Variants in TCF12 observed in about 807,000 individuals in gnomAD.
TCF12 encodes the protein transcription factor 12.
A neutral mutation model predicts 86.0 loss-of-function variants in TCF12; 45 were observed. The ratio of observed to expected loss-of-function variants is 0.52; its 90% CI spans 0.41 to 0.67. TCF12 has a LOEUF of 0.67. Ranked by LOEUF, TCF12 falls within the 30% of genes least tolerant of loss-of-function variation. TCF12 has a pLI of 0.00. For synonymous variants in TCF12, 330 were observed against 299.6 expected, an observed-to-expected ratio of 1.10 and a Z score of -1.05; for missense variants, 881 against 859.9, an observed-to-expected ratio of 1.02 and a Z score of -0.31.
At chr15:57,073,795 C>T (rs536458638) in intron 4 of TCF12, among the ~76,000 whole-genome samples, 4 of 152,284 alleles carry the variant, frequency 2.6e-5, no homozygotes, top group Admixed American at 2.6e-4. Flanking sequence ...GTCGCCCAGG[C>T]TGGAGTACGG....
intron 3 of TCF12, among the ~76,000 whole-genome samples, chr15:57,015,125 C>T (rs1273728782): frequency 6.6e-6 from 1 of 151,678 alleles, no homozygotes; most frequent in African/African-American, 2.4e-5. Context: ...CCTGTCTCTA[C>T]AAAAAATAAA....
At chr15:57,140,332 T>C (rs2052866390) in intron 5 of TCF12, among the ~76,000 whole-genome samples, 1 of 152,196 alleles carries the variant, frequency 6.6e-6, no homozygotes, top group South Asian at 2.1e-4. Flanking sequence ...AGACAAATAC[T>C]GTATAATTCC....
In TCF12 at chr15:57,137,096, C is replaced by T. The variant is rs556466930; in HGVS notation, c.326-29306C>T. Among the ~76,000 whole-genome samples the T allele has an allele frequency of 6.6e-5, 10 of 151,252 alleles. No individual in the cohort carries two copies. The East Asian group carries it at 1.8e-3, about 27-fold the overall frequency. ...CCGGGTTCACGCCATTTTCCTGCCT[C>T]AGGCTCCCAAGTAGCTGGGACTACA... On this transcript the variant is annotated intron_variant, in intron 5 of 20. Coordinates refer to ENST00000333725, the MANE Select transcript of TCF12 (RefSeq NM_207037.2).
At chr15:57,163,332 C>G (rs1245215917) in intron 5 of TCF12, among the ~76,000 whole-genome samples, 1 of 152,100 alleles carries the variant, frequency 6.6e-6, no homozygotes, top group Non-Finnish European at 1.5e-5. Flanking sequence ...GTCATGCTGA[C>G]TAATTGACGT....
In TCF12 at chr15:57,289,770, G is replaced by A. The variant is rs2062044182; in HGVS notation, c.*3625G>A. 1 of 152,128 alleles carries A rather than the reference G, an allele frequency of 6.6e-6. No individual in the cohort carries two copies. The highest frequency in any genetic ancestry group is 2.1e-4 in the South Asian group (1 of 4,832). 9.4% of individuals were successfully genotyped at this position (152,128 alleles called of 1,614,324 possible). A position where few individuals can be genotyped will look rare whatever the true frequency, so the allele number is the denominator to read the frequency against. ...TTGTGTAAGTATTGAATGAAACAAT[G>A]TATGGAAAGCTCTTATGGTTCTTGT... On this transcript the variant is annotated 3_prime_UTR_variant, in exon 21 of 21. Coordinates refer to ENST00000333725, the MANE Select transcript of TCF12 (RefSeq NM_207037.2).
In TCF12 at chr15:57,104,861, G is replaced by GTTTTTT. The variant is rs11336613; in HGVS notation, c.325+12989_325+12994dup. ...ATCTATCTTGCTGGTCTTTGGTGGT[G>GTTTTTT]TTTTTTTTTTTTTTTTTTTTTTTTG... On this transcript the variant is annotated intron_variant, in intron 5 of 20. Coordinates refer to ENST00000333725, the MANE Select transcript of TCF12 (RefSeq NM_207037.2). 2.4e-3 allele frequency among the ~76,000 whole-genome samples: 174 copies of GTTTTTT among 71,498 alleles called. 3 individuals are homozygous for GTTTTTT. Among genetic ancestry groups the GTTTTTT allele is most frequent in the Admixed American group, 3.8e-3 (18 of 4,746 alleles). 46.9% of individuals were successfully genotyped at this position (71,498 alleles called of 152,430 possible).
intron 8 of TCF12, chr15:57,214,361 C>T (rs1373039401): frequency 2.0e-5 from 3 of 152,164 alleles, no homozygotes; most frequent in Non-Finnish European, 4.4e-5. Context: ...ATTTATTCAC[C>T]TCAGAAAGAG....
intron 5 of TCF12, among the ~76,000 whole-genome samples, chr15:57,133,587 G>A (rs1001301087): frequency 3.3e-5 from 5 of 151,114 alleles, no homozygotes; most frequent in Admixed American, 2.0e-4. Flanking sequence ...GATTGGTTTG[G>A]TCATGTGGAA....
chr15:57,043,415 A>G (rs562568303), intron 3 of TCF12, among the ~76,000 whole-genome samples: 1 of 152,168 alleles, frequency 6.6e-6, no homozygotes, highest in African/African-American at 2.4e-5. Flanking sequence ...CAGTGCTTCC[A>G]GTCTCTCCAC....
intron 3 of TCF12, among the ~76,000 whole-genome samples, chr15:57,041,955 C>T (rs945471844): frequency 5.3e-5 from 8 of 152,160 alleles, no homozygotes; most frequent in Non-Finnish European, 7.3e-5. Context: ...TTACTGAACA[C>T]GTTTTTTCCC....
chr15:57,251,324 G>A, intron 13 of TCF12, 26 bp from the exon 14 acceptor site: 1 of 1,605,978 alleles, frequency 6.2e-7, no homozygotes, highest in Non-Finnish European at 8.5e-7. Context: ...TAACCCAGGT[G>A]TGTGGCTACT....
intron 5 of TCF12, among the ~76,000 whole-genome samples, chr15:57,143,353 G>A (rs2053127872): frequency 6.6e-6 from 1 of 152,132 alleles, no homozygotes; most frequent in Non-Finnish European, 1.5e-5. Flanking sequence ...ACACACCGAA[G>A]TATTTTGTGG....
chr15:56,936,886 C>T (rs2060492960), intron 3 of TCF12, among the ~76,000 whole-genome samples: 1 of 152,092 alleles, frequency 6.6e-6, no homozygotes, highest in Non-Finnish European at 1.5e-5. Flanking sequence ...GCCTTACAGT[C>T]TAGTTTGAAG....
chr15:57,248,193 G>A, intron 13 of TCF12: 1 of 663,234 alleles, frequency 1.5e-6, no homozygotes, highest in Admixed American at 2.4e-5. Context: ...CCAGCACTGG[G>A]CCTAATGCAG....
chr15:56,920,103 A>C, intron 2 of TCF12, 115 bp downstream of exon 2: 3 of 1,129,154 alleles, frequency 2.7e-6, no homozygotes, highest in Non-Finnish European at 3.9e-6. Context: ...GGCAGCGTGA[A>C]CTCCATCTGC....
intron 16 of TCF12, among the ~76,000 whole-genome samples, chr15:57,255,286 T>C (rs896419722): frequency 6.6e-6 from 1 of 152,170 alleles, no homozygotes; most frequent in Non-Finnish European, 1.5e-5. Context: ...GGGAGACTTA[T>C]CAAAATGTAG....
At chr15:57,034,968 A>G (rs1372920584) in intron 3 of TCF12, among the ~76,000 whole-genome samples, 2 of 152,216 alleles carry the variant, frequency 1.3e-5, no homozygotes, top group South Asian at 2.1e-4. Flanking sequence ...TCTGGGTGCC[A>G]TAGGAAATAA....
chr15:57,221,383 G>GGT (rs144351636), intron 8 of TCF12, among the ~76,000 whole-genome samples: 3,709 of 148,632 alleles, frequency 0.025, 86 homozygotes, highest in African/African-American at 0.057. Flanking sequence ...ATGTGTGTGG[G>GGT]GTGTGTGTGT....
At chr15:57,060,598 AACTT>A (rs1333225598) in intron 3 of TCF12, among the ~76,000 whole-genome samples, 1 of 152,226 alleles carries the variant, frequency 6.6e-6, no homozygotes, top group Non-Finnish European at 1.5e-5. Flanking sequence ...TCAAGGAACT[AACTT>A]CTCTGAAATT....
Sources: allele counts gnomAD v4.1 joint callset (sites outside exome capture counted in the v4.1 genomes callset), GRCh38; gene constraint gnomAD v4.1.1; transcripts MANE v1.5; gene names NCBI Gene and HGNC (gene_info 2026-07-23, HGNC 2026-07-21).